The following SRBD1 variants were observed in gnomAD, a reference collection of about 807,000 sequenced individuals.
SRBD1 encodes the protein S1 RNA-binding domain-containing protein 1.
Under a neutral mutation model 115.3 loss-of-function variants are expected in SRBD1, and 88 were observed. That is an observed-to-expected ratio of 0.76 (90% confidence interval 0.64 to 0.91). SRBD1 has a LOEUF of 0.91. Ranked by LOEUF, SRBD1 falls within the 40% of genes least tolerant of loss-of-function variation. SRBD1 has a pLI of 0.00. For synonymous variants in SRBD1, 509 were observed against 407.7 expected (o/e 1.25, Z -2.99); for missense variants, 1,385 against 1,177.4 (o/e 1.18, Z -2.58).
chr2:45,453,864 T>A (rs1669071743), intron 16 of SRBD1, among the ~76,000 whole-genome samples: 1 of 152,064 alleles, frequency 6.6e-6, no homozygotes, highest in African/African-American at 2.4e-5. Context: ...AAGATTCTTC[T>A]GCTCATTTTC....
chr2:45,499,765 G>T (rs4953235), intron 14 of SRBD1, among the ~76,000 whole-genome samples: 2 of 152,070 alleles, frequency 1.3e-5, no homozygotes, highest in African/African-American at 4.8e-5. Context: ...CCTTTCCCCA[G>T]TGTGTGTTCT....
intron 16 of SRBD1, among the ~76,000 whole-genome samples, chr2:45,463,276 T>C (rs543322143): frequency 6.6e-6 from 1 of 152,330 alleles, no homozygotes; most frequent in African/African-American, 2.4e-5. Flanking sequence ...TCTTATACCT[T>C]AGGCCTTCCT....
chr2:45,551,075 C>T, intron 12 of SRBD1, 50 bp downstream of exon 12: 1 of 1,552,260 alleles, frequency 6.4e-7, no homozygotes, highest in Non-Finnish European at 8.6e-7. Context: ...TGAAGTGAAA[C>T]TTATAACCAA....
chr2:45,514,375 A>T (rs1217107639), intron 14 of SRBD1, among the ~76,000 whole-genome samples: 1 of 152,114 alleles, frequency 6.6e-6, no homozygotes, highest in East Asian at 1.9e-4. Flanking sequence ...GTTCTAAATA[A>T]TGCAAATATA....
chr2:45,429,673 C>T lies in SRBD1; in HGVS notation c.2050-9779G>A, dbSNP rs189184741. Among the ~76,000 whole-genome samples, 200 of 152,308 alleles carry T rather than the reference C, an allele frequency of 1.3e-3. 1 individual carries two copies. The highest frequency in any genetic ancestry group is 4.3e-3 in the African/African-American group (180 of 41,574). ...AATAATAAGAGCTGTTTATGACACA[C>T]AGCCAATATCATACTGAATGGGCAA... On this transcript the variant is annotated intron_variant, in intron 16 of 20. Coordinates refer to ENST00000263736, the MANE Select transcript of SRBD1 (RefSeq NM_018079.5).
chr2:45,440,389 A>C (rs1194436478), intron 16 of SRBD1, among the ~76,000 whole-genome samples: 1 of 152,202 alleles, frequency 6.6e-6, no homozygotes, highest in Non-Finnish European at 1.5e-5. Flanking sequence ...CTGGCTAAGT[A>C]AAGGTTCATA....
intron 14 of SRBD1, among the ~76,000 whole-genome samples, chr2:45,504,212 G>A (rs531911150): frequency 4.1e-5 from 6 of 145,394 alleles, no homozygotes; most frequent in Admixed American, 4.1e-4. Flanking sequence ...AAGCCTGTTG[G>A]CCAATCCTTC....
intron 19 of SRBD1, among the ~76,000 whole-genome samples, chr2:45,412,595 A>C (rs1321601167): frequency 6.6e-6 from 1 of 152,226 alleles, no homozygotes; most frequent in Non-Finnish European, 1.5e-5. Flanking sequence ...CTAATTAAAT[A>C]TGCTGTTAAA....
intron 16 of SRBD1, among the ~76,000 whole-genome samples, chr2:45,470,068 T>C (rs1669601171): frequency 6.6e-6 from 1 of 152,198 alleles, no homozygotes; most frequent in African/African-American, 2.4e-5. Flanking sequence ...GACAGACTCT[T>C]TTCTGTATCC....
intron 15 of SRBD1, among the ~76,000 whole-genome samples, chr2:45,486,523 C>T (rs1047733615): frequency 1.3e-5 from 2 of 151,774 alleles, no homozygotes; most frequent in African/African-American, 2.4e-5. Context: ...GTCAGGAGAT[C>T]GAGACCATCC....
chr2:45,421,992 T>C (rs917787144), intron 16 of SRBD1, among the ~76,000 whole-genome samples: 3 of 152,156 alleles, frequency 2.0e-5, no homozygotes, highest in African/African-American at 4.8e-5. Flanking sequence ...TAGTCTTTTG[T>C]CTAAGCAGAT....
At chr2:45,479,594 GA>G (rs1669901886) in intron 15 of SRBD1, among the ~76,000 whole-genome samples, 3 of 152,172 alleles carry the variant, frequency 2.0e-5, no homozygotes, top group Non-Finnish European at 4.4e-5. Context: ...AACTGCAGAA[GA>G]AAAGTCTGAA....
chr2:45,550,610 C>CA, intron 12 of SRBD1, among the ~76,000 whole-genome samples: 1 of 151,576 alleles, frequency 6.6e-6, no homozygotes, highest in African/African-American at 2.4e-5. Flanking sequence ...TGTTTTCAGA[C>CA]AAACTAAAAC....
intron 10 of SRBD1, among the ~76,000 whole-genome samples, chr2:45,559,278 T>A (rs989246787): frequency 1.3e-5 from 2 of 152,146 alleles, no homozygotes; most frequent in African/African-American, 4.8e-5. Flanking sequence ...CTTCCCACCA[T>A]CCTTAAAAGA....
intron 14 of SRBD1, among the ~76,000 whole-genome samples, chr2:45,493,923 G>C (rs1475007864): frequency 6.6e-6 from 1 of 151,936 alleles, no homozygotes; most frequent in Non-Finnish European, 1.5e-5. Context: ...CTCTTTGGAT[G>C]GTAAATTGAA....
intron 19 of SRBD1, among the ~76,000 whole-genome samples, chr2:45,395,771 A>G (rs1314251972): frequency 3.3e-5 from 5 of 152,210 alleles, no homozygotes; most frequent in African/African-American, 1.2e-4. Flanking sequence ...AATTTTAAAT[A>G]TAGTCAACTG....
chr2:45,506,863 C>A (rs1670814824), intron 14 of SRBD1, among the ~76,000 whole-genome samples: 1 of 152,184 alleles, frequency 6.6e-6, no homozygotes, highest in African/African-American at 2.4e-5. Flanking sequence ...ACCATTTAGT[C>A]TGCAGGTTTC....
rs36036523 is a variant in SRBD1 at position 45,418,391 on chromosome 2, G to A, written c.2307C>T (p.Asn769=). The change falls in exon 18 of 21, where the codon AAC becomes AAT. Residue 769 remains asparagine (N), a synonymous_variant. Transcript: ENST00000263736. ...TGCAAAACGTTCGGATATAATCCTG[G>A]TTGATTCTGATGAAGCCAGCACACT... ...FQQCAGFIRI[N]QDYIRTFCSQ... is the part of the protein sequence containing the mutation. The A allele has an allele frequency of 1.2e-6, 2 of 1,613,682 alleles. No individual in the cohort carries two copies. Among genetic ancestry groups the A allele is most frequent in the Non-Finnish European group, 8.5e-7 (1 of 1,179,908 alleles).
intron 6 of SRBD1, among the ~76,000 whole-genome samples, chr2:45,580,672 ACTT>A (rs1673329923): frequency 2.1e-5 from 2 of 95,512 alleles, no homozygotes; most frequent in Admixed American, 2.5e-4. Context: ...CAATTCTTCT[ACTT>A]CTTTTTTTTT....
Sources: gnomAD v4.1 joint callset for allele counts (sites outside exome capture counted in the v4.1 genomes callset) on GRCh38, gnomAD v4.1.1 for gene constraint, MANE v1.5 for transcripts, NCBI Gene and HGNC (gene_info 2026-07-23, HGNC 2026-07-21) for gene names.